Variants in ASIC2 observed in about 807,000 individuals in gnomAD.
ASIC2 encodes acid sensing ion channel subunit 2.
A neutral mutation model predicts 57.3 loss-of-function variants in ASIC2; 25 were observed. The observed-to-expected ratio is 0.44, with a 90% CI of 0.32 to 0.61. The LOEUF is 0.61. Among genes scored for constraint, ASIC2 ranks in the 20% least tolerant of loss-of-function variants. ASIC2 has a pLI of 0.06. For synonymous variants in ASIC2, 319 were observed against 307.5 expected (o/e 1.04, Z -0.39); for missense variants, 641 against 738.1 (o/e 0.87, Z 1.52).
At chr17:33,532,293 A>G (rs1281020162) in intron 1 of ASIC2, among the ~76,000 whole-genome samples, 1 of 152,220 alleles carries the variant, frequency 6.6e-6, no homozygotes, top group Non-Finnish European at 1.5e-5. Flanking sequence ...AGGCTGTGGG[A>G]ATGCATGATC....
chr17:33,820,539 G>A (rs1912712314), intron 1 of ASIC2, among the ~76,000 whole-genome samples: 1 of 152,068 alleles, frequency 6.6e-6, no homozygotes. Flanking sequence ...CCCCTTTGAT[G>A]CCAATATACG....
intron 1 of ASIC2, among the ~76,000 whole-genome samples, chr17:33,428,778 C>T (rs972307575): frequency 2.6e-5 from 4 of 152,186 alleles, no homozygotes; most frequent in African/African-American, 9.7e-5. Flanking sequence ...TCCCACCCAC[C>T]ATTGTTTTCT....
At chr17:33,081,429 G>A (rs922382487) in intron 3 of ASIC2, among the ~76,000 whole-genome samples, 8 of 152,140 alleles carry the variant, frequency 5.3e-5, no homozygotes, top group African/African-American at 1.4e-4. Flanking sequence ...TCTACACAGC[G>A]GGCCATCTCA....
chr17:33,865,580 A>G (rs2141927091), intron 1 of ASIC2, among the ~76,000 whole-genome samples: 1 of 152,024 alleles, frequency 6.6e-6, no homozygotes, highest in Admixed American at 6.6e-5. Context: ...CTTTCCTCTA[A>G]TCTATGGTGG....
intron 1 of ASIC2, among the ~76,000 whole-genome samples, chr17:33,916,480 A>T (rs750073835): frequency 2.0e-5 from 3 of 152,184 alleles, no homozygotes; most frequent in Non-Finnish European, 4.4e-5. Context: ...ACCTGATGAC[A>T]TCCCTATTTG....
chr17:33,143,785 CCA>C (rs760276906), intron 1 of ASIC2, among the ~76,000 whole-genome samples: 3 of 152,168 alleles, frequency 2.0e-5, no homozygotes, highest in Non-Finnish European at 2.9e-5. Context: ...AGCTAGTATT[CCA>C]CATCTGGAAA....
At chr17:33,152,178 C>A (rs937981521) in intron 1 of ASIC2, among the ~76,000 whole-genome samples, 3 of 152,076 alleles carry the variant, frequency 2.0e-5, no homozygotes, top group Middle Eastern at 3.2e-3. Context: ...GGAGGTTCAA[C>A]GTCTTACAGA....
chr17:33,907,769 C>T (rs1427498496), intron 1 of ASIC2, among the ~76,000 whole-genome samples: 2 of 152,166 alleles, frequency 1.3e-5, no homozygotes, highest in Admixed American at 6.5e-5. Context: ...ATGCTTGTAG[C>T]GCTTTCACAA....
intron 1 of ASIC2, among the ~76,000 whole-genome samples, chr17:33,924,272 C>T (rs1240919993): frequency 6.6e-6 from 1 of 152,196 alleles, no homozygotes; most frequent in Non-Finnish European, 1.5e-5. Context: ...TCTCCCCAAC[C>T]CTGGAGTGAG....
intron 1 of ASIC2, among the ~76,000 whole-genome samples, chr17:34,045,153 A>G (rs2142049035): frequency 6.6e-6 from 1 of 152,216 alleles, no homozygotes; most frequent in Middle Eastern, 3.4e-3. Context: ...GCCTGGCACC[A>G]TCACAGCAAA....
At chr17:33,150,328 T>G (rs1219334292) in intron 1 of ASIC2, among the ~76,000 whole-genome samples, 1 of 152,196 alleles carries the variant, frequency 6.6e-6, no homozygotes, top group East Asian at 1.9e-4. Context: ...GCACATTTCT[T>G]TGGCACGGAT....
intron 1 of ASIC2, among the ~76,000 whole-genome samples, chr17:34,085,842 T>A (rs9674798): frequency 0.9 from 136,007 of 151,472 alleles, 61,437 homozygotes; most frequent in African/African-American, 0.98. Flanking sequence ...GTTTGTAGTA[T>A]TCTCTGATGG....
chr17:33,420,255 G>T (rs1466742812), intron 1 of ASIC2, among the ~76,000 whole-genome samples: 1 of 152,216 alleles, frequency 6.6e-6, no homozygotes, highest in Non-Finnish European at 1.5e-5. Context: ...AAGTGGGAAA[G>T]CTATGGTTCA....
intron 1 of ASIC2, among the ~76,000 whole-genome samples, chr17:33,800,371 A>G (rs1912096901): frequency 1.3e-5 from 2 of 152,158 alleles, no homozygotes; most frequent in Admixed American, 6.5e-5. Context: ...CAAGACCTAT[A>G]TGACTCCAGA....
At chr17:34,154,974 C>T (rs953214509) in intron 1 of ASIC2, among the ~76,000 whole-genome samples, 1 of 152,152 alleles carries the variant, frequency 6.6e-6, no homozygotes, top group African/African-American at 2.4e-5. Context: ...AGAACCCTGG[C>T]AGCAACAGTG....
intron 1 of ASIC2, among the ~76,000 whole-genome samples, chr17:33,747,693 C>T (rs958820969): frequency 6.6e-6 from 1 of 152,210 alleles, no homozygotes; most frequent in Non-Finnish European, 1.5e-5. Context: ...ATGGACTCCA[C>T]AGAATGTGAG....
chr17:33,821,998 T>C (rs937257849), intron 1 of ASIC2, among the ~76,000 whole-genome samples: 2 of 152,202 alleles, frequency 1.3e-5, no homozygotes, highest in African/African-American at 4.8e-5. Context: ...TAGAAAGAGA[T>C]ACGAACTGGT....
chr17:33,579,233 C>T (rs1022827069), intron 1 of ASIC2, among the ~76,000 whole-genome samples: 5 of 143,680 alleles, frequency 3.5e-5, no homozygotes, highest in Non-Finnish European at 5.9e-5. Flanking sequence ...TTGCAGTGAG[C>T]CAAAATCACA....
Position 33,737,742 on chromosome 17 carries a change from G to A in ASIC2, c.555+418236C>T, listed in dbSNP as rs144835652. Among the ~76,000 whole-genome samples, 267 of 151,018 alleles carry A rather than the reference G, an allele frequency of 1.8e-3. 2 individuals carry two copies. The highest frequency in any genetic ancestry group is 6.0e-3 in the African/African-American group (248 of 41,216). On this transcript the variant is annotated intron_variant, in intron 1 of 9. Transcript: ENST00000359872. ...TAGATTCCTGAACTAACAGGAAAGC[G>A]TCCACCTGCATATAATATCCATTCC...
Sources: allele counts gnomAD v4.1 joint callset (sites outside exome capture counted in the v4.1 genomes callset), GRCh38; gene constraint gnomAD v4.1.1; transcripts MANE v1.5; gene names NCBI Gene and HGNC (gene_info 2026-07-23, HGNC 2026-07-21).